Variants in BEND7 observed in about 807,000 individuals in gnomAD.
BEND7 encodes BEN domain containing 7.
Under a neutral mutation model 50.9 loss-of-function variants are expected in BEND7, and 28 were observed. That is an observed-to-expected ratio of 0.55 (90% confidence interval 0.41 to 0.75). The LOEUF is 0.75. Among genes scored for constraint, BEND7 ranks in the 30% least tolerant of loss-of-function variants. The probability of loss-of-function intolerance (pLI) is 0.00; values close to 1 mark genes in which losing one functional copy is unlikely to be tolerated. For missense variants in BEND7, 477 were observed against 491.3 expected, an observed-to-expected ratio of 0.97 and a Z score of 0.28; for synonymous variants, 170 against 183.9, an observed-to-expected ratio of 0.92 and a Z score of 0.61.
In BEND7 at chr10:13,488,470, G is replaced by A. The variant is rs532805178; in HGVS notation, c.837+4141C>T. ...ATTGGGTTGTGAACTCATGAAGAAAGAATTAAATACTGTATTTTCTTTTTT... is the reference window on the plus strand; with the variant it reads ...ATTGGGTTGTGAACTCATGAAGAAAAAATTAAATACTGTATTTTCTTTTTT... On this transcript the variant is annotated intron_variant, in intron 5 of 8. Coordinates refer to ENST00000466271, the MANE Select transcript of BEND7 (RefSeq NM_001369863.1). Among the ~76,000 whole-genome samples, 16 of 152,072 alleles carry A rather than the reference G, an allele frequency of 1.1e-4. No homozygotes were observed. The South Asian group carries it at 3.3e-3, about 32-fold the overall frequency.
chr10:13,452,238 G>A (rs544612767), intron 7 of BEND7, among the ~76,000 whole-genome samples: 5 of 152,066 alleles, frequency 3.3e-5, no homozygotes, highest in Non-Finnish European at 5.9e-5. Context: ...AGACAGAAGC[G>A]AACCATAAAA....
chr10:13,472,856 C>T (rs1459646158), intron 6 of BEND7, among the ~76,000 whole-genome samples: 6 of 151,678 alleles, frequency 4.0e-5, no homozygotes, highest in Non-Finnish European at 8.8e-5. Context: ...CACTGTTAGA[C>T]TCGGGGTCGA....
At chr10:13,468,989 CTATATATA>C (rs1353892590) in intron 6 of BEND7, among the ~76,000 whole-genome samples, 1 of 152,212 alleles carries the variant, frequency 6.6e-6, no homozygotes, top group African/African-American at 2.4e-5. Flanking sequence ...CCTGAATATC[CTATATATA>C]CATCTTGGTC....
At chr10:13,482,090 G>T (rs1220737416) in intron 5 of BEND7, among the ~76,000 whole-genome samples, 1 of 152,144 alleles carries the variant, frequency 6.6e-6, no homozygotes, top group Non-Finnish European at 1.5e-5. Flanking sequence ...GCAGACATAT[G>T]ATTCTATTTC....
chr10:13,492,655 G>A lies in BEND7; in HGVS notation c.793C>T (p.Arg265Cys), dbSNP rs34031551. 6.6e-5 allele frequency: 106 copies of A among 1,614,002 alleles called. No individual in the cohort carries two copies. In the African/African-American group the frequency reaches 1.3e-3, roughly 20 times the overall value. ...AGAACAATGCCGAATCCTAGAACGC[G>A]GCTCTCCTCCGGGGAGGTGTGCTCG... ...AAEHTSPEES[R>C]VLGFGIVLES... The change falls in exon 5 of 9, where the codon CGC becomes TGC. Residue 265 changes from arginine (R) to cysteine (C), a missense_variant. Arg to Cys is a radical substitution (Grantham distance 180). Transcript: ENST00000466271.
In BEND7 at chr10:13,499,983, T is replaced by C. The variant is rs138181949; in HGVS notation, c.243A>G (p.Gly81=). 7.4e-4 allele frequency: 1,202 copies of C among 1,614,208 alleles called. 2 individuals carry two copies. The highest frequency in any genetic ancestry group is 8.7e-4 in the Admixed American group (52 of 60,032). ...CCTGGGGCTCTTCTTTTAGTTTCTC[T>C]CCTTCTTTGCCAACTCGCTGATAGA... ...GRIYQRVGKE[G]EKLKEEPQDL... Residue 81 remains glycine, a synonymous_variant, in exon 3 of 9, where the codon GGA becomes GGG. Coordinates refer to ENST00000466271, the MANE Select transcript of BEND7 (RefSeq NM_001369863.1).
In BEND7 at chr10:13,441,637, T is replaced by A; in HGVS notation, c.*106A>T. On this transcript the variant is annotated 3_prime_UTR_variant, in exon 9 of 9. Transcript: ENST00000466271. ...TTTTAACACGGCGAAAGGTCACCAA[T>A]TAATCTTCTCCCTTCCCTTGGGTAG... is the stretch of plus-strand genomic sequence containing the variant. The A allele has an allele frequency of 6.3e-7, 1 of 1,586,002 alleles. No individual in the cohort carries two copies. The highest frequency in any genetic ancestry group is 8.6e-7 in the Non-Finnish European group (1 of 1,168,144).
At chr10:13,496,617 G>C in intron 4 of BEND7, 149 bp downstream of exon 4, 1 of 942,082 alleles carries the variant, frequency 1.1e-6, no homozygotes, top group Non-Finnish European at 1.6e-6. Flanking sequence ...GGATTGTAGA[G>C]AAAGCTGAAA....
intron 6 of BEND7, among the ~76,000 whole-genome samples, chr10:13,456,209 G>A (rs1428454901): frequency 6.6e-6 from 1 of 152,148 alleles, no homozygotes; most frequent in Non-Finnish European, 1.5e-5. Context: ...TAGAGATCAG[G>A]GAGTGCAGGT....
At chr10:13,509,532 G>A (rs1272589348) in intron 2 of BEND7, among the ~76,000 whole-genome samples, 1 of 152,174 alleles carries the variant, frequency 6.6e-6, no homozygotes, top group Non-Finnish European at 1.5e-5. Context: ...ACAAAACTGA[G>A]GGAACGCATG....
At chr10:13,503,800 G>A (rs2077660896) in intron 2 of BEND7, among the ~76,000 whole-genome samples, 1 of 152,224 alleles carries the variant, frequency 6.6e-6, no homozygotes, top group Non-Finnish European at 1.5e-5. Context: ...TGAGAGGAGA[G>A]CTGAGAGGTG....
At chr10:13,453,689 T>C (rs748661935) in intron 6 of BEND7, among the ~76,000 whole-genome samples, 10 of 152,016 alleles carry the variant, frequency 6.6e-5, no homozygotes, top group Non-Finnish European at 1.2e-4. Flanking sequence ...TTAGGAAAAA[T>C]GTTCCATTAA....
chr10:13,498,060 T>C (rs2077148404), intron 3 of BEND7, among the ~76,000 whole-genome samples: 1 of 146,492 alleles, frequency 6.8e-6, no homozygotes, highest in South Asian at 2.2e-4. Flanking sequence ...ATATGTAATA[T>C]ATTTCTTTTT....
chr10:13,490,294 T>C (rs1425391357), intron 5 of BEND7, among the ~76,000 whole-genome samples: 1 of 152,276 alleles, frequency 6.6e-6, no homozygotes, highest in Non-Finnish European at 1.5e-5. Context: ...ATCTTTCTCC[T>C]GTGCTCGAGG....
chr10:13,511,758 A>G (rs2078289408), intron 2 of BEND7, among the ~76,000 whole-genome samples: 1 of 152,220 alleles, frequency 6.6e-6, no homozygotes, highest in Admixed American at 6.5e-5. Context: ...CCCTGCCTAC[A>G]TTGAATCCTG....
rs68193209 is a variant in BEND7 at position 13,479,809 on chromosome 10, G to GTCCTTCA, written c.1063+1089_1063+1090insTGAAGGA. Among the ~76,000 whole-genome samples, 55 of 39,352 alleles carry GTCCTTCA rather than the reference G, an allele frequency of 1.4e-3. 1 individual carries two copies. The highest frequency in any genetic ancestry group is 3.5e-3 in the Non-Finnish European group (49 of 13,834). The allele number at this position is 39,352 out of a possible 152,430, so 25.8% of individuals were successfully genotyped here. A position where few individuals can be genotyped will look rare whatever the true frequency, so the allele number is the denominator to read the frequency against. ...AAATTCTCTGTTAATGAAGGCTTAT[G>GTCCTTCA]TCCTTCTGGCCATGAACAAAGGGTG... On this transcript the variant is annotated intron_variant, in intron 6 of 8. Transcript: ENST00000466271.
In BEND7 at chr10:13,515,762, G is replaced by A. The variant is rs186828389; in HGVS notation, c.145+10376C>T. Among the ~76,000 whole-genome samples, 3 of 152,316 alleles carry A rather than the reference G, an allele frequency of 2.0e-5. No homozygotes were observed. The East Asian group carries it at 5.8e-4, about 29-fold the overall frequency. Reference sequence around the variant, plus strand: ...ACAATGGACGAGGGTGGTGTGTTCAGTTGATGGCAATGGAATAGTTTTTTT... The same window carrying A: ...ACAATGGACGAGGGTGGTGTGTTCAATTGATGGCAATGGAATAGTTTTTTT... On this transcript the variant is annotated intron_variant, in intron 2 of 8. Coordinates refer to ENST00000466271, the MANE Select transcript of BEND7 (RefSeq NM_001369863.1).
At chr10:13,443,238 C>T (rs1258904087) in intron 8 of BEND7, 1 of 152,632 alleles carries the variant, frequency 6.6e-6, no homozygotes, top group Non-Finnish European at 1.5e-5. Context: ...GTAAGCTTGA[C>T]AGAACACCCA....
Position 13,506,225 on chromosome 10 carries a change from T to C in BEND7, c.146-6145A>G, listed in dbSNP as rs77797783. Among the ~76,000 whole-genome samples the C allele has an allele frequency of 4.8e-3, 732 of 152,292 alleles. 15 individuals are homozygous for C. The South Asian group carries it at 0.073, about 15-fold the overall frequency. On this transcript the variant is annotated intron_variant, in intron 2 of 8. Coordinates refer to ENST00000466271, the MANE Select transcript of BEND7 (RefSeq NM_001369863.1). The stretch of plus-strand genomic sequence containing the variant: ...CCTGTTTGCAGATGGCACGCTCTGC[T>C]TCCTTGCTAGAGCTAGACCCGCCTC...
Sources: allele counts gnomAD v4.1 joint callset (sites outside exome capture counted in the v4.1 genomes callset), GRCh38; gene constraint gnomAD v4.1.1; transcripts MANE v1.5; gene names NCBI Gene and HGNC (gene_info 2026-07-23, HGNC 2026-07-21).